The following INPP5D variants were observed in gnomAD, a reference collection of about 807,000 sequenced individuals.
INPP5D encodes the protein inositol polyphosphate-5-phosphatase D.
In INPP5D, 33 loss-of-function variants were observed where a neutral mutation model predicts 122.9. That is an observed-to-expected ratio of 0.27 (90% CI 0.20 to 0.36). The LOEUF is 0.36. INPP5D is among the 10% of genes least tolerant of loss of function. The pLI is 1.00. For missense variants in INPP5D, 1,053 were observed against 1,412.7 expected (o/e 0.75, Z 4.08); for synonymous variants, 584 against 576.2 (o/e 1.01, Z -0.19).
At chr2:233,079,296 T>C (rs751517258) in intron 1 of INPP5D, 39 bp from the exon 2 acceptor site, 1 of 1,313,748 alleles carries the variant, frequency 7.6e-7, no homozygotes, top group South Asian at 1.2e-5. Context: ...AACCGGGTCT[T>C]CCTGCATGGG....
chr2:233,080,911 A>C (rs1315794832), intron 2 of INPP5D, among the ~76,000 whole-genome samples: 3 of 152,192 alleles, frequency 2.0e-5, no homozygotes, highest in Non-Finnish European at 4.4e-5. Context: ...AGCCCGGTCC[A>C]GGGGCATTTG....
At chr2:233,168,206 C>T (rs1220529505) in intron 13 of INPP5D, among the ~76,000 whole-genome samples, 1 of 151,988 alleles carries the variant, frequency 6.6e-6, no homozygotes, top group Non-Finnish European at 1.5e-5. Flanking sequence ...TTTCATACAT[C>T]CAAAATACAA....
Position 233,136,214 on chromosome 2 carries a change from A to T in INPP5D, c.666-3628A>T, listed in dbSNP as rs527860886. Among the ~76,000 whole-genome samples, 119 of 152,376 alleles carry T rather than the reference A, an allele frequency of 7.8e-4. 1 individual carries two copies. The highest frequency in any genetic ancestry group is 1.2e-3 in the Non-Finnish European group (79 of 68,038). On this transcript the variant is annotated intron_variant, in intron 5 of 26. Coordinates refer to ENST00000445964, the MANE Select transcript of INPP5D (RefSeq NM_001017915.3). ...AATAGAAGGCCGGGCCTAGTGGCTTATGCCAGTAATCCCAACACTTTGGGA... is the reference window on the plus strand; with the variant it reads ...AATAGAAGGCCGGGCCTAGTGGCTTTTGCCAGTAATCCCAACACTTTGGGA...
chr2:233,098,113 G>A (rs551381840), intron 2 of INPP5D, among the ~76,000 whole-genome samples: 3 of 152,130 alleles, frequency 2.0e-5, no homozygotes, highest in African/African-American at 4.8e-5. Flanking sequence ...GGCTGATTTC[G>A]AACTCGTGAC....
chr2:233,129,612 G>A lies in INPP5D; in HGVS notation c.525-896G>A, dbSNP rs946446488. 1.9e-4 allele frequency among the ~76,000 whole-genome samples: 29 copies of A among 152,122 alleles called. 1 individual carries two copies. Among genetic ancestry groups the A allele is most frequent in the African/African-American group, 6.5e-4 (27 of 41,434 alleles). ...GAAGGGGTTGGAGCAGATTCCACAC[G>A]GCAAAGTCGGCCACTTGCACTACCT... On this transcript the variant is annotated intron_variant, in intron 4 of 26. Coordinates refer to ENST00000445964, the MANE Select transcript of INPP5D (RefSeq NM_001017915.3).
chr2:233,172,146 A>G (rs527812813), intron 17 of INPP5D, among the ~76,000 whole-genome samples: 3 of 152,260 alleles, frequency 2.0e-5, no homozygotes, highest in Non-Finnish European at 4.4e-5. Context: ...CGCAGGGTCC[A>G]CTGCCTGCTG....
chr2:233,123,226 C>T (rs1397736654), intron 3 of INPP5D, among the ~76,000 whole-genome samples: 17 of 152,138 alleles, frequency 1.1e-4, no homozygotes, highest in Admixed American at 7.2e-4. Context: ...GAAACAGAGG[C>T]GGGCAGATCA....
intron 1 of INPP5D, among the ~76,000 whole-genome samples, chr2:233,074,217 G>A (rs1045668750): frequency 2.6e-5 from 4 of 152,148 alleles, no homozygotes. Context: ...AGCCGGTGGT[G>A]GGGCCAGAGA....
intron 9 of INPP5D, among the ~76,000 whole-genome samples, chr2:233,150,353 G>A (rs142317393): frequency 0.048 from 7,245 of 152,254 alleles, 582 homozygotes; most frequent in African/African-American, 0.17. Context: ...CATGTAAGAC[G>A]TGACTTTGCT....
intron 5 of INPP5D, chr2:233,134,037 T>C (rs1204430203): frequency 2.2e-6 from 1 of 456,136 alleles, no homozygotes; most frequent in African/African-American, 2.0e-5. Context: ...GGTGTCAGAT[T>C]TGCCGCTTGA....
intron 25 of INPP5D, among the ~76,000 whole-genome samples, chr2:233,202,071 C>T (rs981842433): frequency 6.6e-6 from 1 of 151,298 alleles, no homozygotes; most frequent in Non-Finnish European, 1.5e-5. Flanking sequence ...TCTCACTGCT[C>T]TTTTCCCAGA....
intron 9 of INPP5D, among the ~76,000 whole-genome samples, chr2:233,157,769 A>G (rs1240031609): frequency 2.0e-5 from 3 of 151,984 alleles, no homozygotes; most frequent in African/African-American, 7.2e-5. Context: ...TTTAAGAAAC[A>G]GAGTAGAATT....
rs997307254 is a variant in INPP5D at position 233,105,240 on chromosome 2, A to T, written c.199-16867A>T. Among the ~76,000 whole-genome samples, 33 of 152,332 alleles carry T rather than the reference A, an allele frequency of 2.2e-4. No homozygotes were observed. Among genetic ancestry groups the T allele is most frequent in the African/African-American group, 7.9e-4 (33 of 41,590 alleles). ...GTCAGTGGGTCCCAGGGAACTGGGT[A>T]GGACAGCAGCTGCGCTCTCTGTAAG... On this transcript the variant is annotated intron_variant, in intron 2 of 26. Coordinates refer to ENST00000445964, the MANE Select transcript of INPP5D (RefSeq NM_001017915.3). The surrounding 1 kb of genome is among the most constrained non-coding windows in gnomAD (Gnocchi z 4.0).
At chr2:233,184,345 A>G in intron 19 of INPP5D, 63 bp from the exon 20 acceptor site, 1 of 1,581,794 alleles carries the variant, frequency 6.3e-7, no homozygotes, top group Non-Finnish European at 8.6e-7. Flanking sequence ...CATGAGAACT[A>G]ATTTGAAATG....
At chr2:233,195,327 C>T in intron 23 of INPP5D, 72 bp from the exon 24 acceptor site, 1 of 1,609,240 alleles carries the variant, frequency 6.2e-7, no homozygotes. Context: ...AAATGGAAAC[C>T]CCTTTGCCAT....
At chr2:233,080,600 G>T (rs1691658159) in intron 2 of INPP5D, among the ~76,000 whole-genome samples, 2 of 152,188 alleles carry the variant, frequency 1.3e-5, no homozygotes. Flanking sequence ...GACGGCGTTG[G>T]AGGAGTTTGT....
At chr2:233,065,732 C>T (rs1691205253) in intron 1 of INPP5D, among the ~76,000 whole-genome samples, 2 of 151,690 alleles carry the variant, frequency 1.3e-5, no homozygotes, top group Admixed American at 1.3e-4. Flanking sequence ...CTGCAACCTC[C>T]ACCTCCAGGA....
chr2:233,114,141 C>G (rs1005428472), intron 2 of INPP5D, among the ~76,000 whole-genome samples: 4 of 152,158 alleles, frequency 2.6e-5, no homozygotes, highest in Non-Finnish European at 5.9e-5. Flanking sequence ...ATCTCCTGAC[C>G]TTGTGATCTG....
intron 2 of INPP5D, among the ~76,000 whole-genome samples, chr2:233,086,395 T>A (rs1691851968): frequency 6.6e-6 from 1 of 152,066 alleles, no homozygotes; most frequent in East Asian, 1.9e-4. Flanking sequence ...GTCAGGCTGG[T>A]CTCGAACTCC....
Sources: allele counts gnomAD v4.1 joint callset (sites outside exome capture counted in the v4.1 genomes callset), GRCh38; gene constraint gnomAD v4.1.1; non-coding constraint Gnocchi (gnomAD v3.1); transcripts MANE v1.5; gene names NCBI Gene and HGNC (gene_info 2026-07-23, HGNC 2026-07-21).